ANKRD44: variants seen among roughly 807,000 people sequenced by gnomAD.
ANKRD44 encodes ankyrin repeat domain 44.
A neutral mutation model predicts 116.0 loss-of-function variants in ANKRD44; 35 were observed. The ratio of observed to expected loss-of-function variants is 0.30; its 90% CI spans 0.23 to 0.40. The LOEUF (loss-of-function observed/expected upper bound fraction) is 0.40. ANKRD44 is among the 10% of genes least tolerant of loss of function. ANKRD44 has a pLI of 1.00. For missense variants in ANKRD44, 1,014 were observed against 1,242.6 expected, an observed-to-expected ratio of 0.82 and a Z score of 2.77; for synonymous variants, 435 against 461.8, an observed-to-expected ratio of 0.94 and a Z score of 0.74.
intron 21 of ANKRD44, among the ~76,000 whole-genome samples, chr2:196,981,175 T>C (rs77667176): frequency 1.3e-4 from 20 of 152,300 alleles, no homozygotes; most frequent in East Asian, 7.7e-4. Context: ...CTGACCCCCA[T>C]TGACTACCAC....
chr2:196,968,070 A>T (rs527366024), intron 21 of ANKRD44, among the ~76,000 whole-genome samples: 1 of 152,304 alleles, frequency 6.6e-6, no homozygotes, highest in East Asian at 1.9e-4. Context: ...AGCCTGCAGA[A>T]CCATGAGCCA....
At chr2:197,301,708 T>C (rs2083912390) in intron 1 of ANKRD44, among the ~76,000 whole-genome samples, 1 of 152,262 alleles carries the variant, frequency 6.6e-6, no homozygotes, top group Admixed American at 6.5e-5. Flanking sequence ...TACATATACA[T>C]ATTTATATTC....
At chr2:197,175,597 A>G (rs1012394012) in intron 2 of ANKRD44, among the ~76,000 whole-genome samples, 2 of 152,170 alleles carry the variant, frequency 1.3e-5, no homozygotes, top group Non-Finnish European at 2.9e-5. Context: ...GGGACATGGT[A>G]TCATGTTCTG....
chr2:197,180,670 TA>T (rs1441502584), intron 2 of ANKRD44, among the ~76,000 whole-genome samples: 3 of 152,292 alleles, frequency 2.0e-5, no homozygotes. Context: ...TCTAGAAGTT[TA>T]AAAAGCTGGG....
intron 1 of ANKRD44, among the ~76,000 whole-genome samples, chr2:197,263,822 A>T (rs2082673181): frequency 1.3e-5 from 2 of 152,176 alleles, no homozygotes; most frequent in African/African-American, 4.8e-5. Flanking sequence ...CCTCTATAGT[A>T]ACAGAAGCCT....
chr2:197,226,286 G>T (rs1426940704), intron 1 of ANKRD44, among the ~76,000 whole-genome samples: 1 of 152,052 alleles, frequency 6.6e-6, no homozygotes, highest in Non-Finnish European at 1.5e-5. Context: ...CTGATGCCAG[G>T]GTGTATCCAC....
At chr2:197,304,743 A>G (rs781637146) in intron 1 of ANKRD44, among the ~76,000 whole-genome samples, 6 of 152,242 alleles carry the variant, frequency 3.9e-5, no homozygotes, top group Non-Finnish European at 8.8e-5. Context: ...AAACACTGGT[A>G]ATCAATCACA....
At chr2:197,224,492 G>T (rs990135921) in intron 1 of ANKRD44, among the ~76,000 whole-genome samples, 1 of 152,166 alleles carries the variant, frequency 6.6e-6, no homozygotes, top group East Asian at 1.9e-4. Flanking sequence ...ATCTAAGATT[G>T]TCCTTGTGTA....
chr2:197,015,997 T>G (rs376293854), intron 17 of ANKRD44: 26 of 539,214 alleles, frequency 4.8e-5, no homozygotes, highest in African/African-American at 4.8e-4. Context: ...GTGGTGGATA[T>G]GGTAGCAGAA....
At chr2:197,009,561 G>A (rs555048130) in intron 18 of ANKRD44, among the ~76,000 whole-genome samples, 3 of 152,150 alleles carry the variant, frequency 2.0e-5, no homozygotes, top group South Asian at 4.2e-4. Flanking sequence ...TAGAGATGGG[G>A]TTTCACCATG....
chr2:197,085,162 A>G (rs1379609258), intron 13 of ANKRD44, among the ~76,000 whole-genome samples: 3 of 152,224 alleles, frequency 2.0e-5, no homozygotes, highest in Admixed American at 1.3e-4. Context: ...TTTATAGTCA[A>G]CTTATGGGCT....
chr2:197,187,131 C>G lies in ANKRD44; in HGVS notation c.28-25G>C, dbSNP rs2080697031. The G allele has an allele frequency of 2.5e-6, 4 of 1,609,956 alleles. No individual in the cohort carries two copies. The Admixed American group carries it at 5.0e-5, about 20-fold the overall frequency. Reference sequence around the variant, plus strand: ...GCTGCAAACACAAGAGAATGGGAATCAGAACTAAAATTAATACATCTGATC... The same window carrying G: ...GCTGCAAACACAAGAGAATGGGAATGAGAACTAAAATTAATACATCTGATC... On this transcript the variant is annotated intron_variant, in intron 1 of 27. Coordinates refer to ENST00000282272, the MANE Select transcript of ANKRD44 (RefSeq NM_001195144.2).
chr2:197,079,845 G>A (rs543349301), intron 15 of ANKRD44, among the ~76,000 whole-genome samples: 226 of 151,938 alleles, frequency 1.5e-3, no homozygotes, highest in African/African-American at 5.0e-3. Flanking sequence ...AAGGCAAAAC[G>A]AAAAAAGTCA....
At chr2:197,292,305 T>C (rs933411174) in intron 1 of ANKRD44, among the ~76,000 whole-genome samples, 1 of 152,200 alleles carries the variant, frequency 6.6e-6, no homozygotes, top group Non-Finnish European at 1.5e-5. Flanking sequence ...TGTAAAAGCA[T>C]TCCTATTTAT....
At chr2:196,994,426 T>C (rs2075974889) in intron 26 of ANKRD44, 1 of 152,248 alleles carries the variant, frequency 6.6e-6, no homozygotes, top group Non-Finnish European at 1.5e-5. Flanking sequence ...GCTCAAGTGA[T>C]CTACTTGCCT....
At chr2:197,085,711 A>G (rs575715911) in intron 13 of ANKRD44, among the ~76,000 whole-genome samples, 1 of 152,344 alleles carries the variant, frequency 6.6e-6, no homozygotes, top group East Asian at 1.9e-4. Context: ...TTAGCATATA[A>G]TCAAGAAATA....
In ANKRD44 at chr2:197,054,155, T is replaced by G. The variant is rs573195369; in HGVS notation, c.1650+24548A>C. On this transcript the variant is annotated intron_variant, in intron 16 of 27. Transcript: ENST00000282272. ...TTACATTTATGCTCAATGTCTAAAC[T>G]TATATGTAATGTAAACACTTAATGA... 3.9e-5 allele frequency among the ~76,000 whole-genome samples: 6 copies of G among 152,332 alleles called. No individual in the cohort carries two copies. The East Asian group carries it at 1.2e-3, about 29-fold the overall frequency.
At chr2:197,227,859 A>C (rs1018121378) in intron 1 of ANKRD44, among the ~76,000 whole-genome samples, 3 of 152,234 alleles carry the variant, frequency 2.0e-5, no homozygotes, top group Admixed American at 6.5e-5. Flanking sequence ...TCAAATAAAG[A>C]GACAATTAAA....
At chr2:196,967,236 C>T (rs1046167603) in exon 22 of ANKRD44, 5 of 246,268 alleles carry the variant, frequency 2.0e-5, no homozygotes, top group African/African-American at 8.8e-5. Context: ...TATCTTGTTC[C>T]CAGTTGGAAA....
Sources: gnomAD v4.1 joint callset for allele counts (sites outside exome capture counted in the v4.1 genomes callset) on GRCh38, gnomAD v4.1.1 for gene constraint, MANE v1.5 for transcripts, NCBI Gene and HGNC (gene_info 2026-07-23, HGNC 2026-07-21) for gene names.